NELL2: variants seen among roughly 807,000 people sequenced by gnomAD.
The protein encoded by NELL2 is neural EGFL like 2.
Under a neutral mutation model 109.6 loss-of-function variants are expected in NELL2, and 41 were observed. The observed-to-expected ratio is 0.37, with a 90% CI of 0.29 to 0.49. The LOEUF is 0.49. Among genes scored for constraint, NELL2 ranks in the 20% least tolerant of loss-of-function variants. The pLI is 0.98. For missense variants in NELL2, 900 were observed against 1,008.3 expected, an observed-to-expected ratio of 0.89 and a Z score of 1.45; for synonymous variants, 355 against 344.7, an observed-to-expected ratio of 1.03 and a Z score of -0.33.
intron 12 of NELL2, among the ~76,000 whole-genome samples, chr12:44,691,404 CTG>C (rs1207780258): frequency 2.0e-5 from 3 of 152,178 alleles, no homozygotes; most frequent in Non-Finnish European, 4.4e-5. Flanking sequence ...TAATCGATAA[CTG>C]TGTGTGTTCT....
At chr12:44,655,435 T>C (rs2136322757) in intron 13 of NELL2, among the ~76,000 whole-genome samples, 1 of 152,320 alleles carries the variant, frequency 6.6e-6, no homozygotes, top group Non-Finnish European at 1.5e-5. Context: ...CTTTCCAAGC[T>C]TTTCATCTTT....
chr12:44,884,235 A>T (rs1566591750), intron 1 of NELL2, among the ~76,000 whole-genome samples: 1 of 151,976 alleles, frequency 6.6e-6, no homozygotes, highest in Non-Finnish European at 1.5e-5. Flanking sequence ...AGGAAGAAAG[A>T]GGTACATTAC....
intron 9 of NELL2, among the ~76,000 whole-genome samples, chr12:44,727,085 C>G (rs1228457416): frequency 1.3e-5 from 2 of 152,038 alleles, no homozygotes; most frequent in Non-Finnish European, 2.9e-5. Context: ...AACCAGGCCT[C>G]AAGGGATACT....
chr12:44,796,845 T>C (rs1346778431), intron 3 of NELL2, among the ~76,000 whole-genome samples: 9 of 152,108 alleles, frequency 5.9e-5, no homozygotes, highest in Admixed American at 2.0e-4. Flanking sequence ...CCTATCTTAT[T>C]ACCCTACATA....
At chr12:44,902,010 C>A (rs147187900) in intron 1 of NELL2, among the ~76,000 whole-genome samples, 4,888 of 152,272 alleles carry the variant, frequency 0.032, 265 homozygotes, top group African/African-American at 0.11. Flanking sequence ...GATACCCTCT[C>A]TCATCACTCC....
chr12:44,766,270 C>T (rs1941331029), intron 9 of NELL2, among the ~76,000 whole-genome samples: 1 of 152,140 alleles, frequency 6.6e-6, no homozygotes, highest in African/African-American at 2.4e-5. Context: ...CTGAAGGCCA[C>T]ATACCATTTT....
At chr12:44,605,140 C>T (rs1945351805) in intron 15 of NELL2, among the ~76,000 whole-genome samples, 1 of 151,944 alleles carries the variant, frequency 6.6e-6, no homozygotes, top group Admixed American at 6.6e-5. Flanking sequence ...GATTTAAGGC[C>T]CCCCAAAGAA....
chr12:44,760,147 C>A (rs1941061258), intron 9 of NELL2, among the ~76,000 whole-genome samples: 1 of 152,164 alleles, frequency 6.6e-6, no homozygotes, highest in Admixed American at 6.5e-5. Context: ...CTTAAGCATT[C>A]CGTTTCCATA....
intron 7 of NELL2, 34 bp downstream of exon 7, chr12:44,777,008 A>C (rs749817210): frequency 1.9e-6 from 3 of 1,583,196 alleles, no homozygotes; most frequent in East Asian, 4.5e-5. Context: ...AAGGATTTTT[A>C]AGCTTCCACA....
intron 3 of NELL2, among the ~76,000 whole-genome samples, chr12:44,785,962 G>A (rs1166093855): frequency 6.6e-6 from 1 of 152,150 alleles, no homozygotes; most frequent in East Asian, 1.9e-4. Flanking sequence ...TCAGGACATA[G>A]GCACGGGCAA....
intron 9 of NELL2, among the ~76,000 whole-genome samples, chr12:44,726,606 G>A (rs1169897259): frequency 6.6e-6 from 1 of 152,132 alleles, no homozygotes; most frequent in East Asian, 1.9e-4. Context: ...GAGTTTAGAT[G>A]TGTTATACTT....
At chr12:44,875,766 C>G (rs977678087) in intron 1 of NELL2, 49 bp downstream of exon 1, 1 of 1,612,088 alleles carries the variant, frequency 6.2e-7, no homozygotes, top group Non-Finnish European at 8.5e-7. Context: ...CATGCTGCCC[C>G]GAGGCGGGAG....
intron 19 of NELL2, among the ~76,000 whole-genome samples, chr12:44,518,345 C>T (rs1014731352): frequency 2.6e-4 from 40 of 151,746 alleles, no homozygotes; most frequent in African/African-American, 5.8e-4. Flanking sequence ...CCCGGGTTCA[C>T]GCCATTCTCC....
chr12:44,843,387 A>G (rs1363335891), intron 2 of NELL2, among the ~76,000 whole-genome samples: 3 of 152,144 alleles, frequency 2.0e-5, no homozygotes, highest in Non-Finnish European at 4.4e-5. Flanking sequence ...TGACAAAATT[A>G]AAGAATCAAT....
At chr12:44,911,820 T>C (rs1945782899) in intron 1 of NELL2, among the ~76,000 whole-genome samples, 1 of 151,814 alleles carries the variant, frequency 6.6e-6, no homozygotes, top group African/African-American at 2.4e-5. Flanking sequence ...AGGTGGTGAC[T>C]AAATCTTTCT....
intron 15 of NELL2, among the ~76,000 whole-genome samples, chr12:44,581,953 T>C (rs548404458): frequency 1.3e-5 from 2 of 152,302 alleles, no homozygotes; most frequent in African/African-American, 4.8e-5. Context: ...TCACACTAAA[T>C]AGACACAATA....
intron 1 of NELL2, among the ~76,000 whole-genome samples, chr12:44,907,898 T>C (rs1945737605): frequency 1.3e-5 from 2 of 152,070 alleles, no homozygotes; most frequent in African/African-American, 2.4e-5. Context: ...ATGTGAACAG[T>C]TTTTCAGGCA....
chr12:44,805,430 C>T (rs536118362), intron 3 of NELL2, among the ~76,000 whole-genome samples: 13 of 151,758 alleles, frequency 8.6e-5, no homozygotes, highest in African/African-American at 3.1e-4. Context: ...GCCCAGAAAC[C>T]GACCTCAGCA....
chr12:44,669,011 C>T (rs1364531797), intron 12 of NELL2, among the ~76,000 whole-genome samples: 1 of 152,116 alleles, frequency 6.6e-6, no homozygotes, highest in Non-Finnish European at 1.5e-5. Flanking sequence ...ACACCCAGCC[C>T]ACCAATGCAC....
Sources: gnomAD v4.1 joint callset for allele counts (sites outside exome capture counted in the v4.1 genomes callset) on GRCh38, gnomAD v4.1.1 for gene constraint, MANE v1.5 for transcripts, NCBI Gene and HGNC (gene_info 2026-07-23, HGNC 2026-07-21) for gene names.